The following GPC5 variants were observed in gnomAD, a reference collection of about 807,000 sequenced individuals.
GPC5 encodes the protein glypican-5.
A neutral mutation model predicts 53.9 loss-of-function variants in GPC5; 47 were observed. The ratio of observed to expected loss-of-function variants is 0.87; its 90% CI spans 0.69 to 1.11. GPC5 has a LOEUF of 1.11. GPC5 is among the 50% of genes most tolerant of loss of function. GPC5 has a pLI of 0.00. For synonymous variants in GPC5, 286 were observed against 263.3 expected (o/e 1.09, Z -0.84); for missense variants, 748 against 713.1 (o/e 1.05, Z -0.56).
intron 4 of GPC5, among the ~76,000 whole-genome samples, chr13:91,740,888 T>A (rs1271145555): frequency 6.6e-6 from 1 of 152,170 alleles, no homozygotes; most frequent in African/African-American, 2.4e-5. Flanking sequence ...GATAATTAGC[T>A]GTACATTATT....
At chr13:92,388,183 T>C (rs1018626139) in intron 7 of GPC5, among the ~76,000 whole-genome samples, 7 of 152,106 alleles carry the variant, frequency 4.6e-5, no homozygotes, top group African/African-American at 1.7e-4. Flanking sequence ...CATTAAAGGT[T>C]CATACTTCGT....
chr13:91,739,674 A>G (rs116347201), intron 4 of GPC5, among the ~76,000 whole-genome samples: 1,674 of 151,414 alleles, frequency 0.011, 132 homozygotes, highest in African/African-American at 0.039. Context: ...GTGTCTTCAC[A>G]TTGCGGCTAA....
At chr13:92,738,946 C>T (rs997472011) in intron 7 of GPC5, among the ~76,000 whole-genome samples, 1 of 152,046 alleles carries the variant, frequency 6.6e-6, no homozygotes, top group Non-Finnish European at 1.5e-5. Flanking sequence ...CTTATTGTGA[C>T]ATCTGTTAAA....
intron 7 of GPC5, among the ~76,000 whole-genome samples, chr13:92,692,884 C>G (rs79503177): frequency 6.6e-6 from 1 of 150,850 alleles, no homozygotes; most frequent in Non-Finnish European, 1.5e-5. Context: ...TTTGGCTCTG[C>G]GTCCCCACCC....
At chr13:92,489,735 G>C (rs1456477501) in intron 7 of GPC5, among the ~76,000 whole-genome samples, 1 of 151,990 alleles carries the variant, frequency 6.6e-6, no homozygotes, top group African/African-American at 2.4e-5. Context: ...ACGTTCTTTT[G>C]TTTGTCTAGA....
chr13:91,780,510 C>A (rs1422963859), intron 5 of GPC5, among the ~76,000 whole-genome samples: 1 of 152,020 alleles, frequency 6.6e-6, no homozygotes, highest in Non-Finnish European at 1.5e-5. Context: ...TTTTACGTTT[C>A]TCTTACCTCT....
At position 92,293,880 on chromosome 13, in the gene GPC5, G is replaced by T. The variant is rs2043015456; in HGVS notation, c.1561+148891G>T. ...GCTATGTCCCTTGTATGCAGATTTT[G>T]CTGAAAGTCTTAATCATAAAGCAAT... is the stretch of plus-strand genomic sequence containing the variant. On this transcript the variant is annotated intron_variant, in intron 7 of 7. Transcript: ENST00000377067. Among the ~76,000 whole-genome samples the T allele has an allele frequency of 2.6e-5, 4 of 152,212 alleles. No homozygotes were observed. The South Asian group carries it at 6.2e-4, about 24-fold the overall frequency.
At chr13:92,211,127 T>C (rs77007300) in intron 7 of GPC5, among the ~76,000 whole-genome samples, 3,194 of 152,158 alleles carry the variant, frequency 0.021, 56 homozygotes, top group Middle Eastern at 0.041. Flanking sequence ...AAATAAATGA[T>C]TTTATTTATT....
At chr13:91,940,755 G>A (rs1221469710) in intron 6 of GPC5, among the ~76,000 whole-genome samples, 4 of 151,662 alleles carry the variant, frequency 2.6e-5, no homozygotes, top group Non-Finnish European at 4.4e-5. Flanking sequence ...GTGATAATGA[G>A]CATTTTTTCA....
rs114207100 is a variant in GPC5 at position 92,151,791 on chromosome 13, C to T, written c.1561+6802C>T. 2.2e-3 allele frequency among the ~76,000 whole-genome samples: 330 copies of T among 152,222 alleles called. 1 individual carries two copies. The highest frequency in any genetic ancestry group is 7.6e-3 in the African/African-American group (316 of 41,536). On this transcript the variant is annotated intron_variant, in intron 7 of 7. Transcript: ENST00000377067. ...ATACTGTGCACAATCCCCTATATCA[C>T]ATTATATGCCAAGAGAGATCAATCA...
intron 5 of GPC5, among the ~76,000 whole-genome samples, chr13:91,870,790 C>T (rs1310662402): frequency 1.3e-5 from 2 of 152,150 alleles, no homozygotes; most frequent in East Asian, 1.9e-4. Flanking sequence ...CTTGCTTAAA[C>T]ATTGACATGT....
chr13:92,741,683 C>G (rs9523794), intron 7 of GPC5, among the ~76,000 whole-genome samples: 39,794 of 151,808 alleles, frequency 0.26, 5,488 homozygotes, highest in East Asian at 0.5. Context: ...CTGTGCTGCA[C>G]CCATTAACTC....
At chr13:92,203,178 A>T (rs1000898553) in intron 7 of GPC5, among the ~76,000 whole-genome samples, 4 of 152,052 alleles carry the variant, frequency 2.6e-5, no homozygotes, top group East Asian at 1.9e-4. Context: ...CTATAAAGAC[A>T]CATGCACACG....
chr13:91,592,902 T>A (rs2032855317), intron 2 of GPC5, among the ~76,000 whole-genome samples: 1 of 152,150 alleles, frequency 6.6e-6, no homozygotes, highest in Non-Finnish European at 1.5e-5. Context: ...GGGAAGTAAG[T>A]CCTGGCATGG....
chr13:92,418,601 T>C (rs988707136), intron 7 of GPC5, among the ~76,000 whole-genome samples: 6 of 152,128 alleles, frequency 3.9e-5, no homozygotes, highest in Admixed American at 3.3e-4. Context: ...ATATGTAAGG[T>C]TATAATATAT....
At chr13:91,897,086 A>G (rs2039450137) in intron 5 of GPC5, among the ~76,000 whole-genome samples, 1 of 151,912 alleles carries the variant, frequency 6.6e-6, no homozygotes, top group Non-Finnish European at 1.5e-5. Flanking sequence ...TTTAAAATAT[A>G]TAAATTTTTA....
intron 6 of GPC5, among the ~76,000 whole-genome samples, chr13:92,065,170 A>T (rs2041158256): frequency 1.3e-5 from 2 of 152,166 alleles, no homozygotes; most frequent in South Asian, 4.1e-4. Flanking sequence ...TCTACTTTTT[A>T]AAAATGTATT....
At chr13:92,035,956 T>C (rs575304661) in intron 6 of GPC5, among the ~76,000 whole-genome samples, 2 of 152,294 alleles carry the variant, frequency 1.3e-5, no homozygotes, top group African/African-American at 4.8e-5. Flanking sequence ...CATTTGTTCA[T>C]TGACAGTTGC....
chr13:92,221,886 T>C (rs1566491386), intron 7 of GPC5, among the ~76,000 whole-genome samples: 2 of 152,120 alleles, frequency 1.3e-5, no homozygotes, highest in African/African-American at 2.4e-5. Context: ...ACAATATACA[T>C]TTAAATTATA....
Sources: allele counts gnomAD v4.1 joint callset (sites outside exome capture counted in the v4.1 genomes callset), GRCh38; gene constraint gnomAD v4.1.1; transcripts MANE v1.5; gene names NCBI Gene and HGNC (gene_info 2026-07-23, HGNC 2026-07-21).